The following CLYBL variants were observed in gnomAD, a reference collection of about 807,000 sequenced individuals.
CLYBL encodes the protein citramalyl-CoA lyase, also known as citramalyl-CoA lyase, mitochondrial.
In CLYBL, 31 loss-of-function variants were observed where a neutral mutation model predicts 38.9. The ratio of observed to expected loss-of-function variants is 0.80; its 90% confidence interval spans 0.60 to 1.08. The LOEUF (loss-of-function observed/expected upper bound fraction) is 1.08, where lower values mean the gene tolerates loss of function less well. CLYBL is among the 50% of genes least tolerant of loss of function. The probability of loss-of-function intolerance (pLI) is 0.00; values close to 1 mark genes in which losing one functional copy is unlikely to be tolerated. For missense variants in CLYBL, 434 were observed against 411.6 expected (o/e 1.05, Z -0.47); for synonymous variants, 171 against 158.6 (o/e 1.08, Z -0.59).
intron 1 of CLYBL, among the ~76,000 whole-genome samples, chr13:99,709,923 CTTTTTTTTTTT>C (rs373484721): frequency 2.7e-5 from 3 of 110,484 alleles, no homozygotes; most frequent in Admixed American, 1.0e-4. Flanking sequence ...TTCTTTCTTT[CTTTTTTTTTTT>C]TTTTTTTGAG....
chr13:99,877,001 C>A (rs915698968), intron 7 of CLYBL, among the ~76,000 whole-genome samples: 2 of 152,174 alleles, frequency 1.3e-5, no homozygotes, highest in Non-Finnish European at 2.9e-5. Flanking sequence ...CTGCCCTCAT[C>A]CCCCAGCCCT....
At chr13:99,860,536 TA>T (rs2051575594) in intron 3 of CLYBL, among the ~76,000 whole-genome samples, 1 of 152,212 alleles carries the variant, frequency 6.6e-6, no homozygotes, top group African/African-American at 2.4e-5. Flanking sequence ...AGATATGTCT[TA>T]AGTTGATTGA....
intron 7 of CLYBL, among the ~76,000 whole-genome samples, chr13:99,886,503 T>C (rs1437864356): frequency 6.6e-6 from 1 of 152,238 alleles, no homozygotes; most frequent in Non-Finnish European, 1.5e-5. Context: ...TGTGCTATGG[T>C]GATACTGGCC....
chr13:99,675,071 T>A (rs1194846811), intron 1 of CLYBL, among the ~76,000 whole-genome samples: 1 of 152,146 alleles, frequency 6.6e-6, no homozygotes, highest in Non-Finnish European at 1.5e-5. Flanking sequence ...AAAATTGGGC[T>A]ATTGGATTTA....
chr13:99,636,243 C>T (rs183489943), intron 1 of CLYBL, among the ~76,000 whole-genome samples: 6 of 152,328 alleles, frequency 3.9e-5, no homozygotes, highest in Admixed American at 6.5e-5. Flanking sequence ...AACACTTTAC[C>T]GCAGTTATGT....
At chr13:99,802,083 TG>T (rs1176282978) in intron 2 of CLYBL, among the ~76,000 whole-genome samples, 16 of 152,156 alleles carry the variant, frequency 1.1e-4, no homozygotes, top group African/African-American at 3.1e-4. Context: ...TTAGTCCCTT[TG>T]GGCTGCTGTA....
chr13:99,783,329 C>T (rs913892390), intron 2 of CLYBL, among the ~76,000 whole-genome samples: 6 of 151,604 alleles, frequency 4.0e-5, no homozygotes, highest in Middle Eastern at 3.3e-3. Context: ...CGGTGTGAGC[C>T]GCCATGCCTG....
intron 2 of CLYBL, among the ~76,000 whole-genome samples, chr13:99,788,214 T>TG (rs1486345839): frequency 1.3e-5 from 2 of 152,218 alleles, no homozygotes; most frequent in Non-Finnish European, 2.9e-5. Flanking sequence ...CTGATTGCCC[T>TG]GGCCAGAACT....
At chr13:99,806,576 G>T (rs761123488) in intron 2 of CLYBL, among the ~76,000 whole-genome samples, 18 of 152,104 alleles carry the variant, frequency 1.2e-4, no homozygotes, top group Non-Finnish European at 2.5e-4. Flanking sequence ...ATTTTGTTAA[G>T]CCTCAGATTT....
chr13:99,890,873 C>T (rs2052471943), intron 7 of CLYBL, among the ~76,000 whole-genome samples: 1 of 152,140 alleles, frequency 6.6e-6, no homozygotes, highest in African/African-American at 2.4e-5. Context: ...TATCATGTTA[C>T]CTCTCAATTA....
chr13:99,827,067 A>T (rs994091468), intron 2 of CLYBL, among the ~76,000 whole-genome samples: 1 of 152,186 alleles, frequency 6.6e-6, no homozygotes, highest in Non-Finnish European at 1.5e-5. Flanking sequence ...GGAACCCTTC[A>T]TATACATTTT....
intron 1 of CLYBL, among the ~76,000 whole-genome samples, chr13:99,636,123 G>A (rs79824675): frequency 0.02 from 3,095 of 152,150 alleles, 55 homozygotes; most frequent in Non-Finnish European, 0.031. Flanking sequence ...GGAATTTCAC[G>A]TAATGTGAAA....
At chr13:99,656,173 C>T (rs945080987) in intron 1 of CLYBL, among the ~76,000 whole-genome samples, 5 of 151,938 alleles carry the variant, frequency 3.3e-5, no homozygotes, top group East Asian at 1.9e-4. Context: ...GTACAGTAAT[C>T]GGATAGAAGG....
rs1555320614 is a variant in CLYBL at position 99,862,907 on chromosome 13, A to AGACT, written c.439-83_439-80dup. ...CTTGGATATTACTTCCTCAGGTCAAAGACTTAAATACTACTTCTGGGTCTA... is the reference window on the plus strand; with the variant it reads ...CTTGGATATTACTTCCTCAGGTCAAAGACTGACTTAAATACTACTTCTGGGTCTA... On this transcript the variant is annotated intron_variant, in intron 3 of 8. Coordinates refer to ENST00000339105, the MANE Select transcript of CLYBL (RefSeq NM_206808.5). 16 of 614,914 alleles carry AGACT rather than the reference A, an allele frequency of 2.6e-5. No homozygotes were observed. The African/African-American group carries it at 3.0e-4, about 12-fold the overall frequency. The allele number at this position is 614,914 out of a possible 1,614,324, so 38.1% of individuals were successfully genotyped here. A position where few individuals can be genotyped will look rare whatever the true frequency, so the allele number is the denominator to read the frequency against.
intron 2 of CLYBL, among the ~76,000 whole-genome samples, chr13:99,779,182 G>A (rs1485189991): frequency 6.6e-5 from 10 of 152,030 alleles, no homozygotes; most frequent in South Asian, 2.1e-4. Context: ...CGCTGTTGTC[G>A]CCCGGGCTGG....
chr13:99,697,595 C>T (rs9517839), intron 1 of CLYBL, among the ~76,000 whole-genome samples: 3,434 of 150,770 alleles, frequency 0.023, 64 homozygotes, highest in Middle Eastern at 0.087. Flanking sequence ...AGTGATCCTC[C>T]CGCCTTGGCT....
chr13:99,735,048 A>G (rs889514345), intron 1 of CLYBL, among the ~76,000 whole-genome samples: 6 of 152,228 alleles, frequency 3.9e-5, no homozygotes, highest in Admixed American at 2.0e-4. Context: ...AGTATTTACT[A>G]TCTGGCCCTT....
At chr13:99,859,162 G>C in intron 3 of CLYBL, 113 bp downstream of exon 3, 11 of 701,828 alleles carry the variant, frequency 1.6e-5, no homozygotes, top group Non-Finnish European at 2.0e-5. Context: ...CAGAGAGGAA[G>C]GGAATTGAGA....
intron 1 of CLYBL, among the ~76,000 whole-genome samples, chr13:99,713,338 T>C (rs866909338): frequency 1.2e-3 from 169 of 146,106 alleles, no homozygotes; most frequent in African/African-American, 3.5e-3. Context: ...CTATTTCTTT[T>C]TTTTTTTTTT....
Sources: allele counts gnomAD v4.1 joint callset (sites outside exome capture counted in the v4.1 genomes callset), GRCh38; gene constraint gnomAD v4.1.1; transcripts MANE v1.5; gene names NCBI Gene and HGNC (gene_info 2026-07-23, HGNC 2026-07-21).